Variants in DDX54 observed in about 807,000 individuals in gnomAD.
DDX54 encodes DEAD-box helicase 54.
DDX54 carries 67 observed loss-of-function variants against 105.5 expected under a neutral mutation model. The observed-to-expected ratio is 0.64, with a 90% CI of 0.52 to 0.78. The LOEUF (loss-of-function observed/expected upper bound fraction) is 0.78. DDX54 is among the 30% of genes least tolerant of loss of function. The pLI is 0.00. For synonymous variants in DDX54, 514 were observed against 509.9 expected, an observed-to-expected ratio of 1.01 and a Z score of -0.11; for missense variants, 1,206 against 1,230.5, an observed-to-expected ratio of 0.98 and a Z score of 0.30.
At chr12:113,172,640 G>A (rs1374719741) in intron 10 of DDX54, 77 bp from the exon 11 acceptor site, 7 of 1,536,824 alleles carry the variant, frequency 4.6e-6, no homozygotes, top group Non-Finnish European at 3.5e-6. Flanking sequence ...CCATGGCGGG[G>A]GACGGGCACT....
intron 12 of DDX54, among the ~76,000 whole-genome samples, chr12:113,167,332 G>A (rs749556875): frequency 1.3e-5 from 2 of 152,118 alleles, no homozygotes; most frequent in South Asian, 2.1e-4. Flanking sequence ...AGCTGTGATC[G>A]TGCCACTATA....
chr12:113,177,273 A>C (rs1952415400), intron 5 of DDX54, 180 bp from the exon 6 acceptor site: 2 of 637,922 alleles, frequency 3.1e-6, no homozygotes, highest in Non-Finnish European at 5.4e-6. Context: ...AAGAGATACA[A>C]GCTGAAATAT....
At chr12:113,177,205 A>G in intron 5 of DDX54, 112 bp from the exon 6 acceptor site, 1 of 1,331,556 alleles carries the variant, frequency 7.5e-7, no homozygotes, top group Non-Finnish European at 1.0e-6. Context: ...CACAGACCCA[A>G]GGCTTGGAAC....
intron 5 of DDX54, 26 bp from the exon 6 acceptor site, chr12:113,177,119 T>G: frequency 6.2e-7 from 1 of 1,612,488 alleles, no homozygotes; most frequent in South Asian, 1.1e-5. Context: ...GGGGTTAGCT[T>G]GATAGAACAG....
chr12:113,163,081 T>C lies in DDX54; in HGVS notation c.2082-36A>G. ...AGAGTGGGAGACATAATTGGATTGA[T>C]GGGACCCAGCGGACCCAACTGCCCC... On this transcript the variant is annotated intron_variant, in intron 16 of 19. Transcript: ENST00000306014. This position sits in a 1 kb window ranked among gnomAD's most constrained non-coding sequence, Gnocchi z 5.9. 6.2e-7 allele frequency: 1 copy of C among 1,609,818 alleles called. No homozygotes were observed. The highest frequency in any genetic ancestry group is 1.3e-5 in the African/African-American group (1 of 75,006).
Position 113,157,313 on chromosome 12 carries a change from G to C in DDX54, c.*1564C>G, listed in dbSNP as rs1416880243. On this transcript the variant is annotated 3_prime_UTR_variant, in exon 20 of 20. Coordinates refer to ENST00000306014, the MANE Select transcript of DDX54 (RefSeq NM_024072.4). ...ACTGATCCAGTTACAAGAAAATAAA[G>C]CTGATTGATGTAAATGAAAATACTA... The C allele has an allele frequency of 2.2e-6, 1 of 451,320 alleles. No homozygotes were observed. The highest frequency in any genetic ancestry group is 1.9e-5 in the African/African-American group (1 of 52,072). The allele number at this position is 451,320 out of a possible 1,614,324, so 28.0% of individuals were successfully genotyped here.
chr12:113,161,365 TGTTTCC>T lies in DDX54; in HGVS notation c.2312_2317del (p.Trp771_Gln773delinsTer). The T allele has an allele frequency of 6.2e-7, 1 of 1,613,136 alleles. No homozygotes were observed. Among genetic ancestry groups the T allele is most frequent in the Non-Finnish European group, 8.5e-7 (1 of 1,179,552 alleles). On this transcript the variant is annotated stop_gained and inframe_deletion, in exon 19 of 20. Coordinates refer to ENST00000306014, the MANE Select transcript of DDX54 (RefSeq NM_024072.4). LOFTEE classifies it high-confidence loss of function. Reference sequence around the variant, plus strand: ...GTCACGATCATCAATTTTCTGTTTCTGTTTCCACTTCTGATAGCTGGGAAACCTCGT... The same window carrying T: ...GTCACGATCATCAATTTTCTGTTTCTACTTCTGATAGCTGGGAAACCTCGT...
rs966588624 is a variant in DDX54 at position 113,163,834 on chromosome 12, G to A, written c.1938+233C>T. On this transcript the variant is annotated intron_variant, in intron 15 of 19. Transcript: ENST00000306014. The surrounding 1 kb of genome is among the most constrained non-coding windows in gnomAD (Gnocchi z 5.9). ...GTGTTTGGTGGCTGGTGATGCCCCG[G>A]ACCCCACTGAGGGTGTCATGTCGTG... Among the ~76,000 whole-genome samples, 1 of 152,184 alleles carries A rather than the reference G, an allele frequency of 6.6e-6. No individual in the cohort carries two copies. The highest frequency in any genetic ancestry group is 2.1e-4 in the South Asian group (1 of 4,828).
intron 1 of DDX54, among the ~76,000 whole-genome samples, chr12:113,183,244 T>A (rs546815117): frequency 2.0e-3 from 304 of 152,362 alleles, no homozygotes; most frequent in African/African-American, 6.8e-3. Context: ...ACCTCTCCAA[T>A]GTCCCACAGC....
chr12:113,168,065 C>T lies in DDX54; in HGVS notation c.1414+1705G>A, dbSNP rs995169130. The T allele has an allele frequency of 1.7e-5, 7 of 417,310 alleles. 1 individual carries two copies. Among genetic ancestry groups the T allele is most frequent in the Non-Finnish European group, 2.9e-5 (6 of 207,738 alleles). The allele number at this position is 417,310 out of a possible 1,614,324, so 25.9% of individuals were successfully genotyped here. ...TGGCGCCCGACTGAGGCCTCCACCT[C>T]CAGTGACTGCACAGGCCGCCCCCCA... On this transcript the variant is annotated intron_variant, in intron 12 of 19. Transcript: ENST00000306014.
intron 19 of DDX54, among the ~76,000 whole-genome samples, chr12:113,160,413 A>C (rs1952188825): frequency 1.3e-5 from 2 of 152,200 alleles, no homozygotes; most frequent in Admixed American, 1.3e-4. Flanking sequence ...AGCCCTCATA[A>C]GGCACCTGTT....
chr12:113,174,699 G>C lies in DDX54; in HGVS notation c.1009C>G (p.Pro337Ala), dbSNP rs751705122. ...ACAAACACCACGGTCTGGTCCTGGG[G>C]CCGCACCACGTTGTGCAGCAGGTGG... ...LLHLLHNVVR[P>A]QDQTVVFVAT... The change falls in exon 10 of 20, where the codon CCC becomes GCC. Residue 337 changes from proline (P) to alanine (A), a missense_variant. Physicochemically the swap from Pro to Ala is conservative, Grantham distance 27. Coordinates refer to ENST00000306014, the MANE Select transcript of DDX54 (RefSeq NM_024072.4). 41 of 1,609,428 alleles carry C rather than the reference G, an allele frequency of 2.5e-5. No individual in the cohort carries two copies. The highest frequency in any genetic ancestry group is 8.5e-7 in the Non-Finnish European group (1 of 1,176,172).
intron 10 of DDX54, among the ~76,000 whole-genome samples, chr12:113,173,441 G>A (rs1400141548): frequency 6.6e-6 from 1 of 152,204 alleles, no homozygotes; most frequent in African/African-American, 2.4e-5. Context: ...TGTTAACTGT[G>A]TGTGGAGTAA....
At chr12:113,180,099 A>C in intron 2 of DDX54, 94 bp from the exon 3 acceptor site, 4 of 1,172,676 alleles carry the variant, frequency 3.4e-6, no homozygotes, top group Non-Finnish European at 5.1e-6. Context: ...TTCATCAACA[A>C]TAAACAGCAA....
In DDX54 at chr12:113,172,459, A is replaced by T; in HGVS notation, c.1173T>A (p.Thr391=). The T allele has an allele frequency of 6.2e-7, 1 of 1,614,220 alleles. No individual in the cohort carries two copies. The highest frequency in any genetic ancestry group is 8.5e-7 in the Non-Finnish European group (1 of 1,180,038). Residue 391 remains threonine (T), a synonymous_variant, in exon 11 of 20, where the codon ACT becomes ACA. Transcript: ENST00000306014. The stretch of plus-strand genomic sequence containing the variant: ...GGGCGGCCAGGTCAGTCACAATGAG[A>T]GTGGAGCACTTGCCAAGCGTGAATT... ...LAKFTLGKCS[T]LIVTDLAARG... is the part of the protein sequence containing the mutation.
At position 113,161,313 on chromosome 12, in the gene DDX54, C is replaced by T. The variant is rs773814552; in HGVS notation, c.2370G>A (p.Arg790=). The T allele has an allele frequency of 8.7e-6, 14 of 1,613,580 alleles. No individual in the cohort carries two copies. The South Asian group carries it at 1.5e-4, about 18-fold the overall frequency. ...TCCCACCTCTTCGCTCTGGGCCTCGCCGGTCAGATGCCCCTTCTTCGTCCG... is the reference window on the plus strand; with the variant it reads ...TCCCACCTCTTCGCTCTGGGCCTCGTCGGTCAGATGCCCCTTCTTCGTCCG... ...RDSDEEGASD[R]RGPERRGGKR... is the part of the protein sequence containing the mutation. The change falls in exon 19 of 20, where the codon CGG becomes CGA. Residue 790 remains arginine (R), a synonymous_variant. Coordinates refer to ENST00000306014, the MANE Select transcript of DDX54 (RefSeq NM_024072.4).
chr12:113,175,545 T>C (rs1032466361), intron 7 of DDX54, among the ~76,000 whole-genome samples: 1 of 152,092 alleles, frequency 6.6e-6, no homozygotes, highest in Non-Finnish European at 1.5e-5. Flanking sequence ...CCCAAGCACT[T>C]TGGGAGGCCA....
rs112844454 is a variant in DDX54 at position 113,174,776 on chromosome 12, G to A, written c.937-5C>T. On this transcript the variant is annotated splice_region_variant and splice_polypyrimidine_tract_variant and intron_variant, in intron 9 of 19. Coordinates refer to ENST00000306014, the MANE Select transcript of DDX54 (RefSeq NM_024072.4). Reference sequence around the variant, plus strand: ...CCGCACGAGGAAGAAGGAGGTCTGTGGGGAGAGGGCATCACGTGTTGGCTT... The same window carrying A: ...CCGCACGAGGAAGAAGGAGGTCTGTAGGGAGAGGGCATCACGTGTTGGCTT... 1.1e-3 allele frequency: 1,698 copies of A among 1,613,964 alleles called. 12 individuals carry two copies. In the African/African-American group the frequency reaches 0.019, roughly 18 times the overall value.
At chr12:113,160,923 C>T (rs976664841) in intron 19 of DDX54, among the ~76,000 whole-genome samples, 28 of 152,282 alleles carry the variant, frequency 1.8e-4, no homozygotes, top group South Asian at 6.2e-4. Flanking sequence ...TTTACACAAT[C>T]GGCTTAATTA....
Sources: allele counts gnomAD v4.1 joint callset (sites outside exome capture counted in the v4.1 genomes callset), GRCh38; gene constraint gnomAD v4.1.1; non-coding constraint Gnocchi (gnomAD v3.1); transcripts MANE v1.5; gene names NCBI Gene and HGNC (gene_info 2026-07-23, HGNC 2026-07-21).